SMAP1: variants seen among roughly 807,000 people sequenced by gnomAD.
SMAP1 encodes stromal membrane-associated protein 1.
A neutral mutation model predicts 58.5 loss-of-function variants in SMAP1; 24 were observed. The observed-to-expected ratio is 0.41, with a 90% CI of 0.30 to 0.58. The LOEUF (loss-of-function observed/expected upper bound fraction) is 0.58. SMAP1 is among the 20% of genes least tolerant of loss of function. The pLI, the probability that SMAP1 is intolerant of heterozygous loss-of-function variation, is 0.29. For synonymous variants in SMAP1, 216 were observed against 196.6 expected, an observed-to-expected ratio of 1.10 and a Z score of -0.82; for missense variants, 563 against 566.3, an observed-to-expected ratio of 0.99 and a Z score of 0.06.
chr6:70,695,856 G>T (rs1042100358), intron 1 of SMAP1, among the ~76,000 whole-genome samples: 2 of 152,136 alleles, frequency 1.3e-5, no homozygotes, highest in African/African-American at 2.4e-5. Context: ...ATTGGTATTA[G>T]TTCTTCTTTA....
rs146131347 is a variant in SMAP1 at position 70,685,670 on chromosome 6, G to A, written c.118+17529G>A. Reference sequence around the variant, plus strand: ...ACAGGTGTAAGTACTGGGCAGAAATGTCAGGGAGAAAATAGACAAAGGGAC... The same window carrying A: ...ACAGGTGTAAGTACTGGGCAGAAATATCAGGGAGAAAATAGACAAAGGGAC... On this transcript the variant is annotated intron_variant, in intron 1 of 10. Transcript: ENST00000370455. Among the ~76,000 whole-genome samples the A allele has an allele frequency of 7.0e-4, 107 of 152,296 alleles. 1 individual carries two copies. The East Asian group carries it at 0.02, about 29-fold the overall frequency.
At chr6:70,723,400 T>G (rs1428743875) in intron 1 of SMAP1, among the ~76,000 whole-genome samples, 1 of 152,230 alleles carries the variant, frequency 6.6e-6, no homozygotes, top group Non-Finnish European at 1.5e-5. Flanking sequence ...GTGTTTATTG[T>G]TCCCTTTACC....
At chr6:70,760,690 A>C (rs1490857540) in intron 3 of SMAP1, among the ~76,000 whole-genome samples, 3 of 152,046 alleles carry the variant, frequency 2.0e-5, no homozygotes, top group Non-Finnish European at 4.4e-5. Flanking sequence ...ACATTTCTGT[A>C]GTTTTATAGA....
At chr6:70,678,604 TA>T (rs1383216278) in intron 1 of SMAP1, among the ~76,000 whole-genome samples, 2 of 152,336 alleles carry the variant, frequency 1.3e-5, no homozygotes, top group South Asian at 2.1e-4. Context: ...AATACCAATT[TA>T]TCATTTTAGC....
intron 3 of SMAP1, chr6:70,772,906 A>G (rs1357742996): frequency 6.5e-6 from 1 of 154,442 alleles, no homozygotes; most frequent in African/African-American, 2.4e-5. Flanking sequence ...AATAATATGC[A>G]CATTCGTGGG....
intron 4 of SMAP1, among the ~76,000 whole-genome samples, chr6:70,783,119 C>T (rs1043585215): frequency 4.6e-5 from 7 of 152,152 alleles, no homozygotes; most frequent in East Asian, 1.9e-4. Context: ...GCAGCATTTG[C>T]GGTTCATGAA....
chr6:70,712,391 T>C (rs1005343821), intron 1 of SMAP1, among the ~76,000 whole-genome samples: 1 of 152,368 alleles, frequency 6.6e-6, no homozygotes, highest in African/African-American at 2.4e-5. Context: ...GGCTTACAGC[T>C]TTCTTTCCTT....
At chr6:70,688,834 A>G (rs1409120932) in intron 1 of SMAP1, among the ~76,000 whole-genome samples, 1 of 152,188 alleles carries the variant, frequency 6.6e-6, no homozygotes, top group East Asian at 1.9e-4. Flanking sequence ...TAGCAAGTCT[A>G]AGTACAATTT....
intron 1 of SMAP1, among the ~76,000 whole-genome samples, chr6:70,682,170 ATTTTTTT>A (rs66981900): frequency 2.3e-4 from 22 of 95,904 alleles, no homozygotes; most frequent in African/African-American, 8.9e-4. Flanking sequence ...CTCTGCACAG[ATTTTTTT>A]TTTTTTTTTT....
chr6:70,733,159 C>T (rs1296461625), intron 2 of SMAP1, among the ~76,000 whole-genome samples: 1 of 152,166 alleles, frequency 6.6e-6, no homozygotes, highest in African/African-American at 2.4e-5. Flanking sequence ...AGTTACACCA[C>T]TTATTTATGC....
At chr6:70,681,842 C>G (rs1766723036) in intron 1 of SMAP1, among the ~76,000 whole-genome samples, 1 of 152,072 alleles carries the variant, frequency 6.6e-6, no homozygotes, top group Non-Finnish European at 1.5e-5. Context: ...TTTGATGTCT[C>G]TAGGTGCAGG....
chr6:70,770,762 C>G (rs1767254467), intron 3 of SMAP1, among the ~76,000 whole-genome samples: 2 of 152,210 alleles, frequency 1.3e-5, no homozygotes, highest in South Asian at 4.1e-4. Context: ...CAAAGTCATT[C>G]TCTGTCCACC....
chr6:70,713,058 G>A (rs981989092), intron 1 of SMAP1, among the ~76,000 whole-genome samples: 7 of 151,980 alleles, frequency 4.6e-5, no homozygotes, highest in African/African-American at 1.7e-4. Context: ...CTCCCAAAGT[G>A]CTGGAATTAC....
In SMAP1 at chr6:70,732,502, A is replaced by G; in HGVS notation, c.243A>G (p.Glu81=). The G allele has an allele frequency of 6.3e-7, 1 of 1,575,744 alleles. No homozygotes were observed. The highest frequency in any genetic ancestry group is 8.6e-7 in the Non-Finnish European group (1 of 1,161,146). ...TCAACCTAGACCAATGGACAGCAGA[A>G]CAGATACAGGTAAACATGACGTTAC... ...KSVNLDQWTA[E]QIQCMQDMGN... is the part of the protein sequence containing the mutation. The change falls in exon 2 of 11, where the codon GAA becomes GAG. Residue 81 remains glutamate (E), a synonymous_variant. Coordinates refer to ENST00000370455, the MANE Select transcript of SMAP1 (RefSeq NM_001044305.3).
chr6:70,685,553 G>A (rs1766902453), intron 1 of SMAP1, among the ~76,000 whole-genome samples: 2 of 152,164 alleles, frequency 1.3e-5, no homozygotes, highest in African/African-American at 4.8e-5. Flanking sequence ...AAACTTAAAG[G>A]AGAATGGCAA....
chr6:70,722,929 A>C (rs1768595265), intron 1 of SMAP1, among the ~76,000 whole-genome samples: 3 of 152,170 alleles, frequency 2.0e-5, no homozygotes, highest in Non-Finnish European at 4.4e-5. Context: ...GATTTTGTTT[A>C]TGGCCAGCTT....
intron 2 of SMAP1, among the ~76,000 whole-genome samples, chr6:70,737,944 A>G (rs1405365240): frequency 6.6e-6 from 1 of 152,228 alleles, no homozygotes; most frequent in South Asian, 2.1e-4. Context: ...TTGAGCTAGC[A>G]TATGAAAATT....
intron 7 of SMAP1, chr6:70,837,859 CA>C (rs1297071902): frequency 4.8e-6 from 6 of 1,255,960 alleles, no homozygotes; most frequent in East Asian, 6.2e-5. Context: ...TACTGCTTTC[CA>C]AAAAATTGAT....
intron 1 of SMAP1, among the ~76,000 whole-genome samples, chr6:70,696,398 C>T (rs1472316420): frequency 6.6e-6 from 1 of 152,080 alleles, no homozygotes; most frequent in Non-Finnish European, 1.5e-5. Context: ...AAACTTTCCT[C>T]TTAGTACTGC....
Sources: gnomAD v4.1 joint callset for allele counts (sites outside exome capture counted in the v4.1 genomes callset) on GRCh38, gnomAD v4.1.1 for gene constraint, MANE v1.5 for transcripts, NCBI Gene and HGNC (gene_info 2026-07-23, HGNC 2026-07-21) for gene names.